ACTR3C: variants seen among roughly 807,000 people sequenced by gnomAD.
ACTR3C encodes actin-related protein 3C.
ACTR3C carries 18 observed loss-of-function variants against 26.3 expected under a neutral mutation model. That is an observed-to-expected ratio of 0.68 (90% CI 0.47 to 1.01). The LOEUF is 1.01. Among genes scored for constraint, ACTR3C ranks in the 50% least tolerant of loss-of-function variants. ACTR3C has a pLI of 0.00. For missense variants in ACTR3C, 184 were observed against 250.7 expected (o/e 0.73, Z 1.80); for synonymous variants, 55 against 94.5 (o/e 0.58, Z 2.42).
chr7:150,083,117 T>C, the ACTR3C span, among the ~76,000 whole-genome samples: 5 of 150,990 alleles, frequency 3.3e-5, no homozygotes, highest in African/African-American at 1.2e-4. Flanking sequence ...AACTAAGTTT[T>C]TGAATTTTCT....
At chr7:150,184,337 G>A in the ACTR3C span, among the ~76,000 whole-genome samples, 1 of 150,796 alleles carries the variant, frequency 6.6e-6, no homozygotes, top group Non-Finnish European at 1.5e-5. Flanking sequence ...CAGAGTGGTG[G>A]TCTATACAAG....
At chr7:150,228,418 A>G in the ACTR3C span, among the ~76,000 whole-genome samples, 1 of 152,366 alleles carries the variant, frequency 6.6e-6, no homozygotes, top group East Asian at 1.9e-4. Context: ...ATGTTATCTT[A>G]TATGACAAAA....
At chr7:150,063,878 A>C in the ACTR3C span, among the ~76,000 whole-genome samples, 5 of 152,098 alleles carry the variant, frequency 3.3e-5, no homozygotes, top group Non-Finnish European at 7.4e-5. Context: ...TTGGCACGCT[A>C]TGTCCCCCCT....
At chr7:150,035,902 CCCA>C in the ACTR3C span, among the ~76,000 whole-genome samples, 19 of 133,376 alleles carry the variant, frequency 1.4e-4, 3 homozygotes, top group Non-Finnish European at 2.2e-4. Context: ...GCTCTCAGTC[CCCA>C]CCCTCGCGGG....
chr7:150,158,434 A>G, the ACTR3C span, among the ~76,000 whole-genome samples: 1 of 152,216 alleles, frequency 6.6e-6, no homozygotes, highest in Admixed American at 6.5e-5. Context: ...AATAATCAAG[A>G]TACAGATGCA....
At chr7:149,967,334 C>T in the ACTR3C span, among the ~76,000 whole-genome samples, 5 of 152,028 alleles carry the variant, frequency 3.3e-5, no homozygotes, top group African/African-American at 9.7e-5. Flanking sequence ...GGTGCCTGGC[C>T]GCTAATTTTT....
At chr7:150,237,340 C>T in the ACTR3C span, among the ~76,000 whole-genome samples, 1 of 152,216 alleles carries the variant, frequency 6.6e-6, no homozygotes, top group African/African-American at 2.4e-5. Flanking sequence ...TTGCTGCAGC[C>T]TGTCTGGGTG....
chr7:150,105,596 G>T, the ACTR3C span, among the ~76,000 whole-genome samples: 1 of 152,044 alleles, frequency 6.6e-6, no homozygotes, highest in African/African-American at 2.4e-5. Flanking sequence ...CATGTCACCG[G>T]TCACTCTGAG....
chr7:150,012,474 C>G, the ACTR3C span, among the ~76,000 whole-genome samples: 1 of 151,642 alleles, frequency 6.6e-6, no homozygotes, highest in African/African-American at 2.4e-5. Context: ...ACCACCATGC[C>G]CGGCTAATTT....
the ACTR3C span, among the ~76,000 whole-genome samples, chr7:150,084,439 G>A: frequency 6.6e-6 from 1 of 152,112 alleles, no homozygotes; most frequent in Non-Finnish European, 1.5e-5. Flanking sequence ...TTGAGAAGAA[G>A]ATAAAACAAG....
chr7:150,227,686 G>T, the ACTR3C span, among the ~76,000 whole-genome samples: 1 of 132,750 alleles, frequency 7.5e-6, no homozygotes, highest in Non-Finnish European at 1.5e-5. Context: ...GTTTGTGTCT[G>T]GGTTTTTTTT....
the ACTR3C span, among the ~76,000 whole-genome samples, chr7:150,008,059 GA>G: frequency 6.6e-6 from 1 of 152,106 alleles, no homozygotes; most frequent in Non-Finnish European, 1.5e-5. Flanking sequence ...TTAAACGAAA[GA>G]AAAAAATCAC....
chr7:149,923,842 A>G, the ACTR3C span, among the ~76,000 whole-genome samples: 1 of 151,630 alleles, frequency 6.6e-6, no homozygotes, highest in East Asian at 2.0e-4. Context: ...TACTAAAAAC[A>G]CAAAAATTAG....
chr7:150,183,506 T>C, the ACTR3C span, among the ~76,000 whole-genome samples: 1 of 149,560 alleles, frequency 6.7e-6, no homozygotes, highest in East Asian at 1.9e-4. Flanking sequence ...ATGGACATAC[T>C]CAGTTTTAGT....
the ACTR3C span, among the ~76,000 whole-genome samples, chr7:150,106,421 G>T: frequency 6.6e-6 from 1 of 151,418 alleles, no homozygotes; most frequent in Non-Finnish European, 1.5e-5. Context: ...GGTATGGTTT[G>T]AGAGAACTGC....
chr7:149,891,192 A>G, the ACTR3C span: 8 of 905,892 alleles, frequency 8.8e-6, no homozygotes, highest in Admixed American at 2.7e-5. Flanking sequence ...GTTACTCACC[A>G]TTAAAAAATA....
At chr7:150,270,664 C>A (rs1834378802) in intron 6 of ACTR3C, among the ~76,000 whole-genome samples, 2 of 152,156 alleles carry the variant, frequency 1.3e-5, no homozygotes, top group African/African-American at 4.8e-5. Flanking sequence ...ACCACCAGTC[C>A]ACACTGCCTC....
chr7:150,079,504 C>T, the ACTR3C span, among the ~76,000 whole-genome samples: 1 of 152,134 alleles, frequency 6.6e-6, no homozygotes, highest in Non-Finnish European at 1.5e-5. Context: ...AGCATTGGCA[C>T]CGCTGATGAC....
chr7:150,014,767 G>T, the ACTR3C span, among the ~76,000 whole-genome samples: 1 of 149,726 alleles, frequency 6.7e-6, no homozygotes, highest in Admixed American at 6.6e-5. Flanking sequence ...ACTTCATGTC[G>T]TTTAATGGAA....
Sources: allele counts gnomAD v4.1 joint callset (sites outside exome capture counted in the v4.1 genomes callset), GRCh38; gene constraint gnomAD v4.1.1; transcripts MANE v1.5; gene names NCBI Gene and HGNC (gene_info 2026-07-23, HGNC 2026-07-21).